Variants in CD44 observed in about 807,000 individuals in gnomAD.
The protein encoded by CD44 is CD44 molecule (IN blood group).
In CD44, 49 loss-of-function variants were observed where a neutral mutation model predicts 88.8. The ratio of observed to expected loss-of-function variants is 0.55; its 90% CI spans 0.44 to 0.70. CD44 has a LOEUF of 0.70. Among genes scored for constraint, CD44 ranks in the 30% least tolerant of loss-of-function variants. The probability of loss-of-function intolerance (pLI) is 0.00; values close to 1 mark genes in which losing one functional copy is unlikely to be tolerated. For missense variants in CD44, 883 were observed against 913.8 expected (o/e 0.97, Z 0.43); for synonymous variants, 325 against 312.3 (o/e 1.04, Z -0.43).
intron 1 of CD44, among the ~76,000 whole-genome samples, chr11:35,140,768 C>A (rs899070804): frequency 1.3e-5 from 2 of 152,082 alleles, no homozygotes; most frequent in African/African-American, 4.8e-5. Flanking sequence ...TGCCTGTAAT[C>A]CTAGGACTTT....
chr11:35,140,287 T>A (rs1049755961), intron 1 of CD44, among the ~76,000 whole-genome samples: 2 of 152,216 alleles, frequency 1.3e-5, no homozygotes, highest in African/African-American at 4.8e-5. Flanking sequence ...CTAGCACGGC[T>A]CAACTCCAAG....
intron 17 of CD44, among the ~76,000 whole-genome samples, chr11:35,228,315 G>A (rs1194412827): frequency 6.6e-6 from 1 of 152,172 alleles, no homozygotes; most frequent in Non-Finnish European, 1.5e-5. Context: ...TATCAGGGTT[G>A]TATGAGTTAG....
At chr11:35,219,543 A>C (rs553232282) in intron 16 of CD44, among the ~76,000 whole-genome samples, 156 bp downstream of exon 16, 2 of 152,346 alleles carry the variant, frequency 1.3e-5, no homozygotes, top group African/African-American at 2.4e-5. Flanking sequence ...ATGAATGAGA[A>C]TACTACACCC....
At chr11:35,168,282 A>AT (rs752797650) in intron 1 of CD44, among the ~76,000 whole-genome samples, 3 of 152,206 alleles carry the variant, frequency 2.0e-5, no homozygotes, top group Non-Finnish European at 2.9e-5. Flanking sequence ...ATAAGTTGGA[A>AT]TTTAACACTG....
intron 12 of CD44, among the ~76,000 whole-genome samples, chr11:35,208,843 T>C (rs1419409402): frequency 6.6e-6 from 1 of 152,182 alleles, no homozygotes; most frequent in Admixed American, 6.5e-5. Context: ...ATAATTTCTT[T>C]GAGGAATACA....
chr11:35,171,308 A>G (rs1943858890), intron 1 of CD44, among the ~76,000 whole-genome samples: 2 of 152,238 alleles, frequency 1.3e-5, no homozygotes, highest in African/African-American at 2.4e-5. Flanking sequence ...TTGACCAGAA[A>G]TGAAGTATTT....
intron 5 of CD44, among the ~76,000 whole-genome samples, chr11:35,193,872 C>T (rs1045853715): frequency 4.6e-5 from 7 of 152,144 alleles, no homozygotes; most frequent in Admixed American, 1.3e-4. Flanking sequence ...TATCTGATTT[C>T]GACACTTTGA....
Position 35,189,934 on chromosome 11 carries a change from G to A in CD44, c.536G>A (p.Ser179Asn), listed in dbSNP as rs766378109. Residue 179 changes from serine (S) to asparagine (N), a missense_variant, in exon 5 of 18, where the codon AGC (serine) becomes AAC (asparagine). Ser to Asn is a conservative substitution (Grantham distance 46). Transcript: ENST00000428726. Reference sequence around the variant, plus strand: ...AGCAACCCTACTGATGATGACGTGAGCAGCGGCTCCTCCAGTGAAAGGAGC... The same window carrying A: ...AGCAACCCTACTGATGATGACGTGAACAGCGGCTCCTCCAGTGAAAGGAGC... ...YPSNPTDDDV[S>N]SGSSSERSST... 26 of 1,614,004 alleles carry A rather than the reference G, an allele frequency of 1.6e-5. No individual in the cohort carries two copies. The highest frequency in any genetic ancestry group is 7.6e-6 in the Non-Finnish European group (9 of 1,179,990).
intron 7 of CD44, among the ~76,000 whole-genome samples, chr11:35,199,934 GTTTTTTTTTTTTTT>G (rs60509735): frequency 1.1e-5 from 1 of 90,882 alleles, no homozygotes; most frequent in African/African-American, 4.4e-5. Context: ...CCATGGTGTT[GTTTTTTTTTTTTTT>G]TTTTTTTTTT....
At chr11:35,215,902 A>G (rs1296806849) in intron 15 of CD44, among the ~76,000 whole-genome samples, 1 of 150,158 alleles carries the variant, frequency 6.7e-6, no homozygotes, top group Non-Finnish European at 1.5e-5. Context: ...AAACAAAAAA[A>G]CAGGTTAATA....
In CD44 at chr11:35,200,140, A is replaced by T. The variant is rs555786792; in HGVS notation, c.923-942A>T. Among the ~76,000 whole-genome samples, 22 of 151,892 alleles carry T rather than the reference A, an allele frequency of 1.4e-4. No homozygotes were observed. In the South Asian group the frequency reaches 4.2e-3, roughly 29 times the overall value. On this transcript the variant is annotated intron_variant, in intron 7 of 17. Coordinates refer to ENST00000428726, the MANE Select transcript of CD44 (RefSeq NM_000610.4). ...TTGAGAATGTGGTTAATGATTCTAA[A>T]CTTGATTTTTCATAACTTGTAAAAT...
intron 9 of CD44, 104 bp from the exon 10 acceptor site, chr11:35,204,408 C>T: frequency 9.4e-7 from 1 of 1,062,932 alleles, no homozygotes; most frequent in Non-Finnish European, 1.4e-6. Context: ...TCTTTTCTAC[C>T]TTCCCTCCCC....
intron 7 of CD44, chr11:35,198,506 T>C: frequency 2.3e-6 from 1 of 431,504 alleles, no homozygotes; most frequent in Non-Finnish European, 4.2e-6. Context: ...ACAGATTGTC[T>C]TTGAATGATC....
intron 1 of CD44, among the ~76,000 whole-genome samples, chr11:35,167,697 C>G (rs1196286674): frequency 1.3e-5 from 2 of 152,352 alleles, no homozygotes; most frequent in East Asian, 3.9e-4. Flanking sequence ...ACCCAGAGAG[C>G]TATGTTCCAG....
Position 35,158,716 on chromosome 11 carries a change from T to C in CD44, c.68-17859T>C, listed in dbSNP as rs113455819. 6.1e-3 allele frequency among the ~76,000 whole-genome samples: 927 copies of C among 152,266 alleles called. 6 individuals are homozygous for C. Among genetic ancestry groups the C allele is most frequent in the African/African-American group, 0.021 (891 of 41,542 alleles). ...GGGAAAAACATTAGCCAATAAACTC[T>C]CATTGAATTTGGCAGGGCGGGCACA... On this transcript the variant is annotated intron_variant, in intron 1 of 17. Coordinates refer to ENST00000428726, the MANE Select transcript of CD44 (RefSeq NM_000610.4).
rs1338658035 is a variant in CD44, at chr11:35,220,827, C to T, written c.1946-827C>T. 1.9e-4 allele frequency among the ~76,000 whole-genome samples: 25 copies of T among 133,768 alleles called. No individual in the cohort carries two copies. In the East Asian group the frequency reaches 2.6e-3, roughly 14 times the overall value. 87.8% of individuals were successfully genotyped at this position (133,768 alleles called of 152,430 possible). A position where few individuals can be genotyped will look rare whatever the true frequency, so the allele number is the denominator to read the frequency against. On this transcript the variant is annotated intron_variant, in intron 16 of 17. Transcript: ENST00000428726. ...TGTTGCCCAGGCTGGAGTGCAGTGG[C>T]GCGACCTCGGCCCACTGCAACCTCT...
chr11:35,142,181 T>A (rs1028654849), intron 1 of CD44, among the ~76,000 whole-genome samples: 2 of 150,974 alleles, frequency 1.3e-5, no homozygotes, highest in African/African-American at 4.9e-5. Flanking sequence ...TGAGGGGATC[T>A]TTTTTTTTAA....
chr11:35,201,415 A>G (rs1947307163), intron 8 of CD44, among the ~76,000 whole-genome samples: 1 of 152,168 alleles, frequency 6.6e-6, no homozygotes, highest in African/African-American at 2.4e-5. Context: ...AAAAATGAAT[A>G]TGTTTGAATG....
intron 3 of CD44, among the ~76,000 whole-genome samples, chr11:35,181,414 A>AT (rs1944976336): frequency 6.6e-6 from 1 of 152,022 alleles, no homozygotes; most frequent in African/African-American, 2.4e-5. Flanking sequence ...AATTTTCAGA[A>AT]TTTTTTGAGA....
Sources: gnomAD v4.1 joint callset for allele counts (sites outside exome capture counted in the v4.1 genomes callset) on GRCh38, gnomAD v4.1.1 for gene constraint, MANE v1.5 for transcripts, NCBI Gene and HGNC (gene_info 2026-07-23, HGNC 2026-07-21) for gene names.